Variants in ANKFN1 observed in about 807,000 individuals in gnomAD.
ANKFN1 encodes ankyrin repeat and fibronectin type III domain containing 1, also known as ankyrin repeat and fibronectin type-III domain-containing protein 1.
A neutral mutation model predicts 108.7 loss-of-function variants in ANKFN1; 74 were observed. That is an observed-to-expected ratio of 0.68 (90% CI 0.56 to 0.83). The LOEUF is 0.83. Ranked by LOEUF, ANKFN1 falls within the 40% of genes least tolerant of loss-of-function variation. ANKFN1 has a pLI of 0.00. For synonymous variants in ANKFN1, 547 were observed against 516.2 expected (o/e 1.06, Z -0.81); for missense variants, 1,505 against 1,382.3 (o/e 1.09, Z -1.41).
At position 56,262,409 on chromosome 17, in the gene ANKFN1, G is replaced by A. The variant is rs74372151; in HGVS notation, c.53+34452G>A. Among the ~76,000 whole-genome samples, 540 of 152,270 alleles carry A rather than the reference G, an allele frequency of 3.5e-3. 1 individual carries two copies. The highest frequency in any genetic ancestry group is 0.012 in the African/African-American group (516 of 41,530). ...AATTAAGTATATGTCGTCAAGGCTC[G>A]TTAAAGGGATTAAGAGAAATTTGAT... On this transcript the variant is annotated intron_variant, in intron 3 of 20. Coordinates refer to ENST00000682825, the MANE Select transcript of ANKFN1 (RefSeq NM_001370326.1).
At chr17:56,272,920 T>C (rs2043828288) in intron 3 of ANKFN1, among the ~76,000 whole-genome samples, 1 of 152,170 alleles carries the variant, frequency 6.6e-6, no homozygotes, top group East Asian at 1.9e-4. Context: ...CTTCCATTTG[T>C]TTCCTTTACA....
At chr17:56,470,702 C>T (rs372733308) in intron 15 of ANKFN1, among the ~76,000 whole-genome samples, 6 of 152,220 alleles carry the variant, frequency 3.9e-5, no homozygotes, top group South Asian at 4.1e-4. Context: ...AAATAATCTA[C>T]GAATCCCTAG....
At chr17:56,210,388 A>G (rs1026134255) in intron 1 of ANKFN1, among the ~76,000 whole-genome samples, 12 of 152,176 alleles carry the variant, frequency 7.9e-5, no homozygotes, top group Admixed American at 2.0e-4. Context: ...CACCACATCC[A>G]TGCCAACATC....
intron 8 of ANKFN1, among the ~76,000 whole-genome samples, chr17:56,384,454 A>G (rs1249201419): frequency 6.6e-6 from 1 of 152,218 alleles, no homozygotes; most frequent in African/African-American, 2.4e-5. Flanking sequence ...CCTATTCAAC[A>G]TAGTGTTGGA....
intron 1 of ANKFN1, among the ~76,000 whole-genome samples, chr17:56,205,926 T>C (rs891584645): frequency 1.3e-5 from 2 of 152,154 alleles, no homozygotes; most frequent in African/African-American, 2.4e-5. Context: ...ATACATCCTC[T>C]ATCAGATCAC....
intron 2 of ANKFN1, among the ~76,000 whole-genome samples, chr17:56,226,125 G>A (rs1269583872): frequency 6.6e-6 from 1 of 152,070 alleles, no homozygotes; most frequent in African/African-American, 2.4e-5. Context: ...AAGGGCAAGG[G>A]GTGGGAGGAA....
intron 4 of ANKFN1, among the ~76,000 whole-genome samples, chr17:56,341,365 A>G (rs2215757): frequency 0.69 from 104,223 of 151,918 alleles, 36,205 homozygotes; most frequent in East Asian, 0.96. Flanking sequence ...GTGGGAGAGG[A>G]CATCCTTGTT....
intron 3 of ANKFN1, among the ~76,000 whole-genome samples, chr17:56,236,405 A>T (rs1917156101): frequency 6.6e-6 from 1 of 151,356 alleles, no homozygotes; most frequent in South Asian, 2.1e-4. Flanking sequence ...GATATCTTTC[A>T]CCTCCCTAGT....
intron 3 of ANKFN1, among the ~76,000 whole-genome samples, chr17:56,281,156 C>T (rs1268616266): frequency 6.6e-6 from 1 of 152,066 alleles, no homozygotes; most frequent in South Asian, 2.1e-4. Context: ...AATACAGAGG[C>T]CTCAAGACTA....
intron 3 of ANKFN1, among the ~76,000 whole-genome samples, chr17:56,275,593 G>A (rs2043907275): frequency 1.3e-5 from 2 of 152,198 alleles, no homozygotes; most frequent in Non-Finnish European, 2.9e-5. Flanking sequence ...GTCAAATACA[G>A]TGTTTAAAAC....
intron 4 of ANKFN1, among the ~76,000 whole-genome samples, chr17:56,132,434 T>G (rs991349949): frequency 1.3e-5 from 2 of 152,142 alleles, no homozygotes; most frequent in Non-Finnish European, 2.9e-5. Context: ...TAATAAGTTA[T>G]CTAGTATATT....
intron 14 of ANKFN1, among the ~76,000 whole-genome samples, chr17:56,464,774 G>C (rs952070038): frequency 3.3e-5 from 5 of 152,172 alleles, no homozygotes; most frequent in African/African-American, 1.2e-4. Flanking sequence ...GTAAAGATTA[G>C]CATAACAGCT....
intron 8 of ANKFN1, among the ~76,000 whole-genome samples, chr17:56,412,822 C>CA (rs1025517482): frequency 1.3e-3 from 195 of 152,282 alleles, no homozygotes; most frequent in African/African-American, 4.4e-3. Context: ...TCATGTGAGT[C>CA]AATACTCCTT....
intron 5 of ANKFN1, among the ~76,000 whole-genome samples, chr17:56,351,818 A>G (rs2046255511): frequency 6.6e-6 from 1 of 152,198 alleles, no homozygotes; most frequent in Admixed American, 6.5e-5. Context: ...TAATATTAAC[A>G]TGCTCAGCAA....
intron 7 of ANKFN1, among the ~76,000 whole-genome samples, 197 bp from the exon 8 acceptor site, chr17:56,374,404 T>C (rs2046891173): frequency 6.6e-6 from 1 of 152,210 alleles, no homozygotes; most frequent in Non-Finnish European, 1.5e-5. Context: ...AATGTTCTAA[T>C]GCTCAAATAA....
chr17:56,133,188 A>G (rs1171511654), intron 4 of ANKFN1, among the ~76,000 whole-genome samples: 1 of 152,200 alleles, frequency 6.6e-6, no homozygotes, highest in East Asian at 1.9e-4. Flanking sequence ...CATTAGGTGT[A>G]TATATCCTTG....
At chr17:56,379,433 C>T (rs2035947700) in intron 8 of ANKFN1, among the ~76,000 whole-genome samples, 1 of 151,862 alleles carries the variant, frequency 6.6e-6, no homozygotes, top group South Asian at 2.1e-4. Flanking sequence ...AGTCCTTCAC[C>T]CTTCTTCCAG....
At chr17:56,256,424 C>T (rs1407859612) in intron 3 of ANKFN1, among the ~76,000 whole-genome samples, 1 of 152,078 alleles carries the variant, frequency 6.6e-6, no homozygotes, top group Non-Finnish European at 1.5e-5. Flanking sequence ...CTCCAGTGTG[C>T]GGGCTTTGCT....
In ANKFN1 at chr17:56,515,529, T is replaced by C. The variant is rs1377618438; in HGVS notation, c.*4260T>C. Among the ~76,000 whole-genome samples, 1 of 152,236 alleles carries C rather than the reference T, an allele frequency of 6.6e-6. No homozygotes were observed. The highest frequency in any genetic ancestry group is 6.5e-5 in the Admixed American group (1 of 15,286). On this transcript the variant is annotated 3_prime_UTR_variant, in exon 21 of 21. Coordinates refer to ENST00000682825, the MANE Select transcript of ANKFN1 (RefSeq NM_001370326.1). ...TGTTTTCTTTGCTGGTCACCTCTCA[T>C]AAGATGTTCAAACACATGGCTTATG...
Sources: allele counts gnomAD v4.1 joint callset (sites outside exome capture counted in the v4.1 genomes callset), GRCh38; gene constraint gnomAD v4.1.1; transcripts MANE v1.5; gene names NCBI Gene and HGNC (gene_info 2026-07-23, HGNC 2026-07-21).